The following PRICKLE1 variants were observed in gnomAD, a reference collection of about 807,000 sequenced individuals.
The protein encoded by PRICKLE1 is prickle planar cell polarity protein 1, also known as prickle-like protein 1.
A neutral mutation model predicts 70.2 loss-of-function variants in PRICKLE1; 14 were observed. The observed-to-expected ratio is 0.20, with a 90% CI of 0.13 to 0.31. The LOEUF (loss-of-function observed/expected upper bound fraction) is 0.31. Ranked by LOEUF, PRICKLE1 falls within the 10% of genes least tolerant of loss-of-function variation. The pLI, the probability that PRICKLE1 is intolerant of heterozygous loss-of-function variation, is 1.00. For missense variants in PRICKLE1, 821 were observed against 1,026.2 expected (o/e 0.80, Z 2.73); for synonymous variants, 357 against 379.9 (o/e 0.94, Z 0.70).
At chr12:42,573,384 C>A (rs539716138) in intron 1 of PRICKLE1, among the ~76,000 whole-genome samples, 5 of 152,264 alleles carry the variant, frequency 3.3e-5, no homozygotes, top group African/African-American at 1.2e-4. Context: ...TTATTCTTCT[C>A]TTTATTGACT....
intron 1 of PRICKLE1, among the ~76,000 whole-genome samples, chr12:42,501,645 T>G (rs1939314372): frequency 1.3e-5 from 2 of 152,102 alleles, no homozygotes; most frequent in African/African-American, 2.4e-5. Context: ...CCTACGAATA[T>G]CTTTCATGAA....
At chr12:42,558,903 T>A (rs1356869805) in intron 1 of PRICKLE1, among the ~76,000 whole-genome samples, 1 of 152,098 alleles carries the variant, frequency 6.6e-6, no homozygotes, top group East Asian at 1.9e-4. Context: ...AGGCAGAGAT[T>A]AAAAAAAGAA....
In PRICKLE1 at chr12:42,485,890, G is replaced by A. The variant is rs144851885; in HGVS notation, c.-48-13326C>T. Among the ~76,000 whole-genome samples the A allele has an allele frequency of 2.0e-3, 297 of 152,302 alleles. 1 individual carries two copies. Among genetic ancestry groups the A allele is most frequent in the African/African-American group, 6.1e-3 (255 of 41,560 alleles). On this transcript the variant is annotated intron_variant, in intron 1 of 7. Transcript: ENST00000345127. ...TCATGGTTTATTACCCATTGTAAGC[G>A]TTTTTAGTGATGAAGCAGTGTGGAG...
At position 42,589,490 on chromosome 12, in the gene PRICKLE1, CT is replaced by C. The variant is rs1192120755; in HGVS notation, c.-75del. 6.5e-6 allele frequency: 1 copy of C among 153,168 alleles called. No individual in the cohort carries two copies. The highest frequency in any genetic ancestry group is 6.5e-5 in the Admixed American group (1 of 15,272). 9.5% of individuals were successfully genotyped at this position (153,168 alleles called of 1,614,324 possible). A position where few individuals can be genotyped will look rare whatever the true frequency, so the allele number is the denominator to read the frequency against. Reference sequence around the variant, plus strand: ...CTCGCGCGAGGGAGACGCAACTCGGCTGCACTGTCCTCGGCGCCGCTGCGGG... The same window carrying C: ...CTCGCGCGAGGGAGACGCAACTCGGCGCACTGTCCTCGGCGCCGCTGCGGG... On this transcript the variant is annotated 5_prime_UTR_variant, in exon 1 of 8. Transcript: ENST00000345127. The surrounding 1 kb of genome is among the most constrained non-coding windows in gnomAD (Gnocchi z 5.0).
At chr12:42,549,474 C>A (rs1940272006) in intron 1 of PRICKLE1, among the ~76,000 whole-genome samples, 1 of 152,186 alleles carries the variant, frequency 6.6e-6, no homozygotes, top group South Asian at 2.1e-4. Context: ...AAAGCCACAT[C>A]TTTCCTTTAG....
At chr12:42,586,582 A>C in intron 1 of PRICKLE1, among the ~76,000 whole-genome samples, 1 of 152,316 alleles carries the variant, frequency 6.6e-6, no homozygotes, top group Admixed American at 6.5e-5. Context: ...AATTAACTGC[A>C]GTAAGTAGAA....
At chr12:42,544,545 A>G (rs1447605532) in intron 1 of PRICKLE1, among the ~76,000 whole-genome samples, 1 of 152,180 alleles carries the variant, frequency 6.6e-6, no homozygotes, top group African/African-American at 2.4e-5. Flanking sequence ...TCAGGCCCCT[A>G]AAGATAAGCC....
chr12:42,585,299 CTCTT>C (rs1158694389), intron 1 of PRICKLE1, among the ~76,000 whole-genome samples: 1 of 152,164 alleles, frequency 6.6e-6, no homozygotes, highest in Non-Finnish European at 1.5e-5. Context: ...TGTAAAATCT[CTCTT>C]TATAGGAGAA....
chr12:42,545,090 A>T (rs1176842605), intron 1 of PRICKLE1, among the ~76,000 whole-genome samples: 3 of 151,842 alleles, frequency 2.0e-5, no homozygotes, highest in Non-Finnish European at 4.4e-5. Flanking sequence ...TACAGCCTCA[A>T]CCTCCTGGGC....
At chr12:42,584,699 A>G (rs2120811915) in intron 1 of PRICKLE1, among the ~76,000 whole-genome samples, 1 of 152,274 alleles carries the variant, frequency 6.6e-6, no homozygotes, top group Non-Finnish European at 1.5e-5. Flanking sequence ...TGCCGCCAAT[A>G]TTGTGTGTAA....
intron 1 of PRICKLE1, among the ~76,000 whole-genome samples, chr12:42,475,513 G>T (rs549290589): frequency 3.9e-5 from 6 of 152,210 alleles, no homozygotes; most frequent in South Asian, 4.2e-4. Context: ...TGCCTCCAGG[G>T]GGGGAGTGCT....
At position 42,458,110 on chromosome 12, in the gene PRICKLE1, G is replaced by A. The variant is rs2140078194; in HGVS notation, c.*1699C>T. On this transcript the variant is annotated 3_prime_UTR_variant, in exon 8 of 8. Transcript: ENST00000345127. ...ACGGCTGTCCACCTACTACTCGCTG[G>A]TTTACCCATTGGACTTGTGTCTGTC... 6.6e-6 allele frequency: 1 copy of A among 152,280 alleles called. No individual in the cohort carries two copies. Among genetic ancestry groups the A allele is most frequent in the Non-Finnish European group, 1.5e-5 (1 of 68,040 alleles). 9.4% of individuals were successfully genotyped at this position (152,280 alleles called of 1,614,324 possible).
At chr12:42,587,047 A>G (rs1353103605) in intron 1 of PRICKLE1, among the ~76,000 whole-genome samples, 1 of 152,234 alleles carries the variant, frequency 6.6e-6, no homozygotes, top group Non-Finnish European at 1.5e-5. Context: ...TTATTACACC[A>G]CCACACACCA....
At chr12:42,549,490 G>A (rs1413809136) in intron 1 of PRICKLE1, among the ~76,000 whole-genome samples, 2 of 152,102 alleles carry the variant, frequency 1.3e-5, no homozygotes, top group Admixed American at 6.5e-5. Flanking sequence ...TTTAGGGTCC[G>A]GGATCATGGA....
rs746199700 is a variant in PRICKLE1, at chr12:42,460,150, G to A, written c.2155C>T (p.Arg719Trp). Residue 719 changes from arginine (R) to tryptophan (W), a missense_variant, in exon 8 of 8, where the codon CGG becomes TGG. Coordinates refer to ENST00000345127, the MANE Select transcript of PRICKLE1 (RefSeq NM_153026.3). ...YEKFIQNKSAREIQAYIQNAD... is the reference protein window; with the variant it reads ...YEKFIQNKSAWEIQAYIQNAD... Reference sequence around the variant, plus strand: ...TTCTGGATGTATGCTTGGATCTCCCGGGCACTTTTATTCTGTATAAATTTC... The same window carrying A: ...TTCTGGATGTATGCTTGGATCTCCCAGGCACTTTTATTCTGTATAAATTTC... 1.4e-5 allele frequency: 22 copies of A among 1,613,866 alleles called. No homozygotes were observed. Among genetic ancestry groups the A allele is most frequent in the South Asian group, 1.1e-4 (10 of 91,070 alleles).
At chr12:42,578,343 C>T (rs1048767462) in intron 1 of PRICKLE1, among the ~76,000 whole-genome samples, 2 of 152,104 alleles carry the variant, frequency 1.3e-5, no homozygotes, top group Non-Finnish European at 2.9e-5. Flanking sequence ...TTTTAACATA[C>T]ATGGCAACAT....
chr12:42,566,942 C>T (rs1592035060), intron 1 of PRICKLE1, among the ~76,000 whole-genome samples: 2 of 152,100 alleles, frequency 1.3e-5, no homozygotes. Flanking sequence ...TCCTCAAGGA[C>T]CTCAAAGTTC....
At chr12:42,548,161 C>T (rs1433711538) in intron 1 of PRICKLE1, among the ~76,000 whole-genome samples, 1 of 151,830 alleles carries the variant, frequency 6.6e-6, no homozygotes, top group Non-Finnish European at 1.5e-5. Context: ...ACTAGGATTA[C>T]AGGAGTGAGC....
intron 4 of PRICKLE1, 86 bp downstream of exon 4, chr12:42,469,364 C>G (rs1255589762): frequency 8.5e-6 from 13 of 1,530,028 alleles, no homozygotes; most frequent in Non-Finnish European, 1.2e-5. Context: ...GGACCCACAC[C>G]TCTGCTAGTC....
Sources: gnomAD v4.1 joint callset for allele counts (sites outside exome capture counted in the v4.1 genomes callset) on GRCh38, gnomAD v4.1.1 for gene constraint, Gnocchi (gnomAD v3.1) non-coding constraint, MANE v1.5 for transcripts, NCBI Gene and HGNC (gene_info 2026-07-23, HGNC 2026-07-21) for gene names.